ROBO2: variants seen among roughly 807,000 people sequenced by gnomAD.
The protein encoded by ROBO2 is roundabout guidance receptor 2, also known as roundabout homolog 2.
ROBO2 carries 53 observed loss-of-function variants against 160.8 expected under a neutral mutation model. The ratio of observed to expected loss-of-function variants is 0.33; its 90% CI spans 0.26 to 0.41. ROBO2 has a LOEUF of 0.41. Among genes scored for constraint, ROBO2 ranks in the 10% least tolerant of loss-of-function variants. The pLI, the probability that ROBO2 is intolerant of heterozygous loss-of-function variation, is 1.00. For missense variants in ROBO2, 1,577 were observed against 1,722.4 expected, an observed-to-expected ratio of 0.92 and a Z score of 1.49; for synonymous variants, 664 against 611.7, an observed-to-expected ratio of 1.09 and a Z score of -1.26.
At chr3:77,539,945 G>A (rs1164330933) in intron 6 of ROBO2, among the ~76,000 whole-genome samples, 2 of 152,198 alleles carry the variant, frequency 1.3e-5, no homozygotes, top group Non-Finnish European at 2.9e-5. Context: ...AAATACTAGT[G>A]ATTGAAAGTA....
chr3:76,334,448 G>T (rs2073726457), intron 2 of ROBO2, among the ~76,000 whole-genome samples: 1 of 152,090 alleles, frequency 6.6e-6, no homozygotes, highest in Non-Finnish European at 1.5e-5. Flanking sequence ...CATTTAAACT[G>T]AGCACCCAGT....
chr3:76,897,944 G>A (rs375553439), intron 2 of ROBO2, among the ~76,000 whole-genome samples: 123 of 152,190 alleles, frequency 8.1e-4, no homozygotes, highest in African/African-American at 2.8e-3. Context: ...ATTTTCTAGT[G>A]TAGTTGTTAT....
chr3:77,085,278 C>T (rs999869797), intron 1 of ROBO2, among the ~76,000 whole-genome samples: 5 of 152,000 alleles, frequency 3.3e-5, no homozygotes, highest in Non-Finnish European at 7.4e-5. Context: ...TATTTTAATG[C>T]ATTGCATAAA....
chr3:76,684,314 A>C (rs2092638970), intron 2 of ROBO2, among the ~76,000 whole-genome samples: 1 of 152,134 alleles, frequency 6.6e-6, no homozygotes, highest in Non-Finnish European at 1.5e-5. Context: ...AGGTGAAAAA[A>C]GTGTCTGCAA....
intron 2 of ROBO2, among the ~76,000 whole-genome samples, chr3:76,373,822 C>T (rs1027722528): frequency 7.2e-5 from 11 of 152,088 alleles, no homozygotes; most frequent in African/African-American, 2.2e-4. Flanking sequence ...TCTTGTCAGA[C>T]TAAGCTGATC....
chr3:77,495,253 T>TA (rs2086637789), intron 5 of ROBO2, among the ~76,000 whole-genome samples: 1 of 152,196 alleles, frequency 6.6e-6, no homozygotes, highest in African/African-American at 2.4e-5. Context: ...ATTGAAACTT[T>TA]AAAAACCTTT....
exon 1 of ROBO2, chr3:77,040,099 C>A (rs1190857201): frequency 3.1e-6 from 3 of 981,250 alleles, no homozygotes; most frequent in Non-Finnish European, 3.6e-6. Context: ...TCCCTCACCA[C>A]GTAGGAGTTC....
intron 2 of ROBO2, among the ~76,000 whole-genome samples, chr3:77,174,554 A>G (rs2079950777): frequency 6.6e-6 from 1 of 151,966 alleles, no homozygotes; most frequent in African/African-American, 2.4e-5. Flanking sequence ...TTTAACCTAA[A>G]TTTCCTGAAG....
chr3:75,983,477 T>C (rs1432394646), intron 2 of ROBO2, among the ~76,000 whole-genome samples: 7 of 151,342 alleles, frequency 4.6e-5, no homozygotes, highest in African/African-American at 1.5e-4. Context: ...CTCTTTAAGG[T>C]AAAGATAGTA....
intron 16 of ROBO2, among the ~76,000 whole-genome samples, chr3:77,581,951 A>G (rs1407967231): frequency 6.6e-6 from 1 of 151,994 alleles, no homozygotes; most frequent in Non-Finnish European, 1.5e-5. Context: ...AGATTATTAT[A>G]TCTTCTTTTT....
intron 2 of ROBO2, among the ~76,000 whole-genome samples, chr3:77,294,380 G>C (rs545668835): frequency 7.1e-6 from 1 of 141,680 alleles, no homozygotes; most frequent in East Asian, 2.0e-4. Flanking sequence ...GTAAGCTGAG[G>C]CTAGGTCACC....
chr3:77,242,978 C>T lies in ROBO2; in HGVS notation c.388+144638C>T, dbSNP rs11713875. Reference sequence around the variant, plus strand: ...ATGTGTGTGTGTGCATGTGTGCGTGCGTGTTTGTGTATGTGTTTCTGTGTC... The same window carrying T: ...ATGTGTGTGTGTGCATGTGTGCGTGTGTGTTTGTGTATGTGTTTCTGTGTC... On this transcript the variant is annotated intron_variant, in intron 2 of 25. Coordinates refer to ENST00000461745, the Ensembl canonical transcript of ROBO2. Among the ~76,000 whole-genome samples, 393 of 150,296 alleles carry T rather than the reference C, an allele frequency of 2.6e-3. 6 individuals carry two copies. The highest frequency in any genetic ancestry group is 0.014 in the East Asian group (74 of 5,120).
intron 2 of ROBO2, among the ~76,000 whole-genome samples, chr3:76,316,310 C>T (rs949353904): frequency 3.9e-5 from 6 of 152,056 alleles, no homozygotes; most frequent in South Asian, 2.1e-4. Context: ...GCAAGAGCGA[C>T]GATTTATAGA....
chr3:75,968,389 A>C (rs2064875774), intron 2 of ROBO2, among the ~76,000 whole-genome samples: 1 of 151,330 alleles, frequency 6.6e-6, no homozygotes, highest in Non-Finnish European at 1.5e-5. Context: ...AGTAATTGTA[A>C]ATCTCTCCCA....
chr3:77,394,470 T>C (rs2075072327), intron 2 of ROBO2, among the ~76,000 whole-genome samples: 2 of 152,164 alleles, frequency 1.3e-5, no homozygotes, highest in South Asian at 4.1e-4. Flanking sequence ...TGAAAACGTA[T>C]TTCTATACTG....
chr3:76,275,877 C>G (rs1447081297), intron 2 of ROBO2, among the ~76,000 whole-genome samples: 2 of 151,960 alleles, frequency 1.3e-5, no homozygotes, highest in Non-Finnish European at 2.9e-5. Flanking sequence ...CACATAATGT[C>G]AAAAGCAATG....
At chr3:76,910,719 C>G (rs1489978162) in intron 2 of ROBO2, among the ~76,000 whole-genome samples, 6 of 105,472 alleles carry the variant, frequency 5.7e-5, no homozygotes, top group African/African-American at 2.4e-4. Flanking sequence ...GAGTGAAACT[C>G]TGTCTCAAAA....
rs2073913167 is a variant in ROBO2, at chr3:77,384,670, AATAAG to A, written c.389-92739_389-92735del. 3.3e-5 allele frequency among the ~76,000 whole-genome samples: 5 copies of A among 152,326 alleles called. No individual in the cohort carries two copies. The South Asian group carries it at 1.0e-3, about 32-fold the overall frequency. ...ATACTCAATGAACGTCATTTTAACA[AATAAG>A]ATAATAAATTAATGAGCAGATATAG... On this transcript the variant is annotated intron_variant, in intron 2 of 25. Coordinates refer to ENST00000461745, the Ensembl canonical transcript of ROBO2.
intron 1 of ROBO2, among the ~76,000 whole-genome samples, chr3:77,078,975 G>A (rs1300357589): frequency 6.6e-6 from 1 of 152,144 alleles, no homozygotes. Context: ...ACAGAGTCTC[G>A]CTGTGTCACC....
Sources: allele counts gnomAD v4.1 joint callset (sites outside exome capture counted in the v4.1 genomes callset), GRCh38; gene constraint gnomAD v4.1.1; transcripts MANE v1.5; gene names NCBI Gene and HGNC (gene_info 2026-07-23, HGNC 2026-07-21).